The following PPFIBP1 variants were observed in gnomAD, a reference collection of about 807,000 sequenced individuals.
PPFIBP1 encodes the protein liprin-beta-1.
A neutral mutation model predicts 137.8 loss-of-function variants in PPFIBP1; 112 were observed. The observed-to-expected ratio is 0.81, with a 90% CI of 0.70 to 0.95. PPFIBP1 has a LOEUF of 0.95. PPFIBP1 is among the 40% of genes least tolerant of loss of function. The pLI is 0.00. For missense variants in PPFIBP1, 1,083 were observed against 1,196.6 expected (o/e 0.91, Z 1.40); for synonymous variants, 378 against 417.3 (o/e 0.91, Z 1.15).
intron 21 of PPFIBP1, among the ~76,000 whole-genome samples, chr12:27,681,029 C>T (rs1005252125): frequency 3.3e-5 from 5 of 152,142 alleles, no homozygotes; most frequent in African/African-American, 9.7e-5. Context: ...GCACCCTGCC[C>T]CCACCCCGGA....
chr12:27,646,167 C>G lies in PPFIBP1; in HGVS notation c.357+19C>G, dbSNP rs2058467925. 2 of 1,557,194 alleles carry G rather than the reference C, an allele frequency of 1.3e-6. No individual in the cohort carries two copies. Among genetic ancestry groups the G allele is most frequent in the South Asian group, 2.2e-5 (2 of 89,386 alleles). ...TCTTCAGGCAAGTGATTTTTAAATA[C>G]TGTTCTTTCCTTGCAGCATACTTAC... On this transcript the variant is annotated intron_variant, in intron 5 of 29. Coordinates refer to ENST00000228425, the MANE Select transcript of PPFIBP1 (RefSeq NM_003622.4).
At chr12:27,576,765 CATA>C (rs2050599259) in intron 1 of PPFIBP1, among the ~76,000 whole-genome samples, 1 of 152,192 alleles carries the variant, frequency 6.6e-6, no homozygotes, top group Non-Finnish European at 1.5e-5. Flanking sequence ...TCAGCTCTTT[CATA>C]AACAGCTCAA....
chr12:27,644,670 C>T (rs532420833), intron 4 of PPFIBP1, among the ~76,000 whole-genome samples: 57 of 152,324 alleles, frequency 3.7e-4, no homozygotes, highest in African/African-American at 1.2e-3. Context: ...CACTCCATCA[C>T]ACTCTTCATA....
At chr12:27,670,065 TGAA>T (rs1268443809) in intron 13 of PPFIBP1, among the ~76,000 whole-genome samples, 3 of 152,200 alleles carry the variant, frequency 2.0e-5, no homozygotes, top group African/African-American at 7.2e-5. Context: ...CTTTCAGAGG[TGAA>T]GAACTGTCAC....
intron 9 of PPFIBP1, 125 bp from the exon 10 acceptor site, chr12:27,658,691 A>G: frequency 9.8e-7 from 1 of 1,024,616 alleles, no homozygotes; most frequent in Non-Finnish European, 1.5e-6. Flanking sequence ...TAGTGCTGAA[A>G]AAGTTTTTAT....
At chr12:27,554,485 T>C (rs1034695250) in intron 1 of PPFIBP1, among the ~76,000 whole-genome samples, 4 of 152,182 alleles carry the variant, frequency 2.6e-5, no homozygotes, top group Non-Finnish European at 5.9e-5. Flanking sequence ...CAGAAAATAA[T>C]CCGTACAAAC....
At chr12:27,686,846 G>A (rs758690299) in intron 24 of PPFIBP1, among the ~76,000 whole-genome samples, 12 of 151,672 alleles carry the variant, frequency 7.9e-5, no homozygotes, top group Non-Finnish European at 1.6e-4. Flanking sequence ...AGATAGCCTG[G>A]GCAGTATAGT....
chr12:27,567,160 C>A (rs1429896132), intron 1 of PPFIBP1, among the ~76,000 whole-genome samples: 1 of 152,146 alleles, frequency 6.6e-6, no homozygotes, highest in Non-Finnish European at 1.5e-5. Context: ...ATTGTACCTG[C>A]AAATACAATT....
intron 2 of PPFIBP1, among the ~76,000 whole-genome samples, chr12:27,603,205 TCCAGGTG>T (rs1212913723): frequency 1.3e-5 from 2 of 152,212 alleles, no homozygotes; most frequent in Non-Finnish European, 2.9e-5. Context: ...CCTATCAGGT[TCCAGGTG>T]CTGCATCCTG....
intron 2 of PPFIBP1, among the ~76,000 whole-genome samples, chr12:27,584,670 T>C (rs2051507475): frequency 6.6e-6 from 1 of 152,252 alleles, no homozygotes; most frequent in South Asian, 2.1e-4. Context: ...TAAGCTGGTA[T>C]AGCCAGACCA....
chr12:27,548,833 G>T (rs762728739), intron 1 of PPFIBP1: 12 of 152,246 alleles, frequency 7.9e-5, no homozygotes, highest in Non-Finnish European at 1.5e-4. Context: ...TGGACTCTGT[G>T]TATTCTTTGC....
chr12:27,643,047 G>A (rs1044534236), intron 4 of PPFIBP1, among the ~76,000 whole-genome samples: 12 of 151,732 alleles, frequency 7.9e-5, no homozygotes, highest in African/African-American at 2.7e-4. Context: ...TCAGGCGGTC[G>A]GTTAGCTCAG....
At chr12:27,664,718 G>T (rs1417376246) in intron 12 of PPFIBP1, among the ~76,000 whole-genome samples, 1 of 152,188 alleles carries the variant, frequency 6.6e-6, no homozygotes, top group Admixed American at 6.5e-5. Flanking sequence ...TATGCAGAGA[G>T]CCTAGGGGGA....
intron 4 of PPFIBP1, among the ~76,000 whole-genome samples, chr12:27,639,429 G>T (rs1249269554): frequency 2.0e-5 from 3 of 152,158 alleles, no homozygotes; most frequent in Non-Finnish European, 4.4e-5. Flanking sequence ...TTGATGAGTT[G>T]CCCTAGAACA....
chr12:27,663,947 G>C (rs2059702066), intron 11 of PPFIBP1, among the ~76,000 whole-genome samples: 1 of 152,176 alleles, frequency 6.6e-6, no homozygotes. Context: ...GGTGATTAAT[G>C]ATGGCTAATA....
rs74074066 is a variant in PPFIBP1, at chr12:27,654,004, G to A, written c.604-718G>A. 5.9e-3 allele frequency among the ~76,000 whole-genome samples: 900 copies of A among 152,198 alleles called. 11 individuals are homozygous for A. Among genetic ancestry groups the A allele is most frequent in the African/African-American group, 0.018 (750 of 41,538 alleles). ...CTCCTAATAAAAATTCAACACTATT[G>A]CTAAAATGTATGCACATACCCAGAG... is the stretch of plus-strand genomic sequence containing the variant. On this transcript the variant is annotated intron_variant, in intron 7 of 29. Coordinates refer to ENST00000228425, the MANE Select transcript of PPFIBP1 (RefSeq NM_003622.4).
chr12:27,630,277 C>T (rs2057168285), intron 2 of PPFIBP1, among the ~76,000 whole-genome samples: 1 of 151,888 alleles, frequency 6.6e-6, no homozygotes, highest in African/African-American at 2.4e-5. Context: ...CTAATTCTCC[C>T]TTAACACCAT....
chr12:27,688,609 A>T (rs1297443883), intron 26 of PPFIBP1, among the ~76,000 whole-genome samples, 186 bp downstream of exon 26: 1 of 152,232 alleles, frequency 6.6e-6, no homozygotes, highest in South Asian at 2.1e-4. Flanking sequence ...TTGAATTTAA[A>T]GCCAGTTCTC....
At chr12:27,677,192 A>C in intron 19 of PPFIBP1, 96 bp downstream of exon 19, 1 of 1,442,788 alleles carries the variant, frequency 6.9e-7, no homozygotes, top group Non-Finnish European at 9.7e-7. Context: ...AAGCGATCTG[A>C]CAGCAATCAG....
Sources: allele counts gnomAD v4.1 joint callset (sites outside exome capture counted in the v4.1 genomes callset), GRCh38; gene constraint gnomAD v4.1.1; transcripts MANE v1.5; gene names NCBI Gene and HGNC (gene_info 2026-07-23, HGNC 2026-07-21).